HEMK2: variants seen among roughly 807,000 people sequenced by gnomAD.
HEMK2 encodes HemK methyltransferase 2, ETF1 glutamine and histone H4 lysine.
chr21:28,730,607 C>G, the HEMK2 span, among the ~76,000 whole-genome samples: 1 of 152,098 alleles, frequency 6.6e-6, no homozygotes, highest in Non-Finnish European at 1.5e-5. Flanking sequence ...GGCTATTGAA[C>G]TGAGGCCTCA....
chr21:28,876,230 A>G, the HEMK2 span: 1 of 434,714 alleles, frequency 2.3e-6, no homozygotes, highest in Non-Finnish European at 4.1e-6. Flanking sequence ...TGTGCAAATA[A>G]TTCTATAGGC....
At chr21:28,598,010 T>C in the HEMK2 span, among the ~76,000 whole-genome samples, 2 of 151,964 alleles carry the variant, frequency 1.3e-5, no homozygotes, top group African/African-American at 2.4e-5. Flanking sequence ...AAAGTTACAC[T>C]GAGGAAGGGA....
the HEMK2 span, among the ~76,000 whole-genome samples, chr21:28,831,462 CGAAA>C: frequency 0.037 from 883 of 23,596 alleles, 44 homozygotes; most frequent in Non-Finnish European, 0.046. Flanking sequence ...AAGAAAAGAA[CGAAA>C]GAAAGAAAGA....
At chr21:28,627,445 A>T in the HEMK2 span, among the ~76,000 whole-genome samples, 22 of 152,198 alleles carry the variant, frequency 1.4e-4, no homozygotes, top group African/African-American at 4.8e-4. Context: ...CCATGCTCCA[A>T]CAATAACCAT....
At chr21:28,842,370 C>T in the HEMK2 span, among the ~76,000 whole-genome samples, 5 of 151,798 alleles carry the variant, frequency 3.3e-5, no homozygotes, top group Non-Finnish European at 5.9e-5. Flanking sequence ...AAACATTTAC[C>T]TCTCTCACCC....
the HEMK2 span, among the ~76,000 whole-genome samples, chr21:28,698,025 C>G: frequency 6.6e-6 from 1 of 152,270 alleles, no homozygotes; most frequent in East Asian, 1.9e-4. Context: ...AAGAGGTGAA[C>G]AAGCTCCTGT....
At chr21:28,771,518 A>ACCCCCCCCCCCCCCCCCC in the HEMK2 span, among the ~76,000 whole-genome samples, 9 of 105,578 alleles carry the variant, frequency 8.5e-5, no homozygotes, top group Non-Finnish European at 1.0e-4. Context: ...AAGATGCACC[A>ACCCCCCCCCCCCCCCCCC]CCCCCCCCCG....
At chr21:28,618,201 T>C in the HEMK2 span, among the ~76,000 whole-genome samples, 4 of 152,350 alleles carry the variant, frequency 2.6e-5, 1 homozygote, top group South Asian at 8.3e-4. Context: ...ATATTTAAAT[T>C]ACTTCTCCTT....
chr21:28,756,004 T>C, the HEMK2 span, among the ~76,000 whole-genome samples: 2,273 of 152,332 alleles, frequency 0.015, 55 homozygotes, highest in African/African-American at 0.052. Flanking sequence ...AAGGCCAGAA[T>C]TGTAGCAGCT....
chr21:28,576,874 C>A, the HEMK2 span, among the ~76,000 whole-genome samples: 1 of 152,226 alleles, frequency 6.6e-6, no homozygotes, highest in Admixed American at 6.5e-5. Context: ...CCATACCTGG[C>A]TAATTTTCAT....
chr21:28,868,899 T>A, the HEMK2 span, among the ~76,000 whole-genome samples: 2 of 152,226 alleles, frequency 1.3e-5, no homozygotes, highest in Non-Finnish European at 2.9e-5. Flanking sequence ...AGTGGTTTTT[T>A]AAATATTTTC....
At chr21:28,811,662 C>T in the HEMK2 span, among the ~76,000 whole-genome samples, 1 of 152,132 alleles carries the variant, frequency 6.6e-6, no homozygotes, top group Non-Finnish European at 1.5e-5. Context: ...TTTGAACGTA[C>T]CAGCTTTACA....
At chr21:28,623,810 A>C in the HEMK2 span, among the ~76,000 whole-genome samples, 2 of 152,304 alleles carry the variant, frequency 1.3e-5, no homozygotes, top group East Asian at 3.9e-4. Context: ...AGGGAGGGGA[A>C]CATCACACAC....
At chr21:28,824,091 G>A in the HEMK2 span, among the ~76,000 whole-genome samples, 1 of 152,180 alleles carries the variant, frequency 6.6e-6, no homozygotes, top group African/African-American at 2.4e-5. Context: ...AAACCTGGCT[G>A]CACATTTGAA....
chr21:28,640,880 C>G, the HEMK2 span, among the ~76,000 whole-genome samples: 1 of 152,328 alleles, frequency 6.6e-6, no homozygotes, highest in South Asian at 2.1e-4. Flanking sequence ...GAGATCATGG[C>G]TGCTATGAAG....
At chr21:28,603,469 GAT>G in the HEMK2 span, among the ~76,000 whole-genome samples, 1 of 150,498 alleles carries the variant, frequency 6.6e-6, no homozygotes, top group Admixed American at 6.6e-5. Flanking sequence ...TTTTACTGAG[GAT>G]ATATATAGAT....
At chr21:28,710,422 A>G in the HEMK2 span, among the ~76,000 whole-genome samples, 2 of 152,246 alleles carry the variant, frequency 1.3e-5, no homozygotes, top group African/African-American at 4.8e-5. Flanking sequence ...TTTTTACTTT[A>G]AAATGCTATT....
At chr21:28,833,406 G>T in the HEMK2 span, among the ~76,000 whole-genome samples, 6 of 152,280 alleles carry the variant, frequency 3.9e-5, no homozygotes, top group South Asian at 1.2e-3. Context: ...TAATTTTACA[G>T]CAGAGACATA....
the HEMK2 span, among the ~76,000 whole-genome samples, chr21:28,831,578 AGAAG>A: frequency 1.0e-4 from 7 of 68,854 alleles, no homozygotes; most frequent in East Asian, 6.5e-4. Context: ...AAAGAAAGAA[AGAAG>A]GAAAGAAGGA....
Sources: gnomAD v4.1 joint callset for allele counts (sites outside exome capture counted in the v4.1 genomes callset) on GRCh38, gnomAD v4.1.1 for gene constraint, MANE v1.5 for transcripts, NCBI Gene and HGNC (gene_info 2026-07-23, HGNC 2026-07-21) for gene names.